Variants in RMDN2 observed in about 807,000 individuals in gnomAD.
RMDN2 encodes regulator of microtubule dynamics protein 2.
RMDN2 carries 61 observed loss-of-function variants against 52.8 expected under a neutral mutation model. The ratio of observed to expected loss-of-function variants is 1.16; its 90% CI spans 0.94 to 1.43. The LOEUF (loss-of-function observed/expected upper bound fraction) is 1.43. Among genes scored for constraint, RMDN2 ranks in the 40% most tolerant of loss-of-function variants. The pLI is 0.00. For missense variants in RMDN2, 592 were observed against 475.3 expected, an observed-to-expected ratio of 1.25 and a Z score of -2.28; for synonymous variants, 180 against 153.1, an observed-to-expected ratio of 1.18 and a Z score of -1.30.
intron 2 of RMDN2, among the ~76,000 whole-genome samples, chr2:37,966,390 C>A (rs1378793669): frequency 6.6e-6 from 1 of 151,476 alleles, no homozygotes; most frequent in East Asian, 1.9e-4. Flanking sequence ...GCATTCCAGC[C>A]TGGGCAACAG....
At chr2:38,061,285 T>C (rs993556590) in intron 10 of RMDN2, among the ~76,000 whole-genome samples, 1 of 151,988 alleles carries the variant, frequency 6.6e-6, no homozygotes, top group East Asian at 1.9e-4. Flanking sequence ...GGGAAGATGA[T>C]TGGAATGAGC....
chr2:38,005,077 T>C (rs1413631395), intron 10 of RMDN2, among the ~76,000 whole-genome samples: 2 of 152,184 alleles, frequency 1.3e-5, no homozygotes, highest in Non-Finnish European at 2.9e-5. Context: ...ATGTGCCACA[T>C]TTTCTTAATC....
chr2:38,034,789 T>C (rs1185251752), intron 10 of RMDN2, among the ~76,000 whole-genome samples: 2 of 149,184 alleles, frequency 1.3e-5, no homozygotes, highest in African/African-American at 5.0e-5. Flanking sequence ...AAATATAAAA[T>C]ATTTTAAAGG....
intron 10 of RMDN2, among the ~76,000 whole-genome samples, chr2:38,006,473 A>G (rs1405200757): frequency 2.6e-5 from 4 of 152,134 alleles, no homozygotes; most frequent in Admixed American, 6.5e-5. Context: ...GCAATTGTGA[A>G]TGGGAGTTCA....
At chr2:38,065,127 G>A (rs1316803625) in intron 10 of RMDN2, among the ~76,000 whole-genome samples, 1 of 152,180 alleles carries the variant, frequency 6.6e-6, no homozygotes, top group Non-Finnish European at 1.5e-5. Flanking sequence ...TAGAAAAAAT[G>A]TGGTGGATAA....
At chr2:38,035,697 G>A (rs886266328) in intron 10 of RMDN2, among the ~76,000 whole-genome samples, 2 of 152,134 alleles carry the variant, frequency 1.3e-5, no homozygotes, top group Non-Finnish European at 2.9e-5. Flanking sequence ...AGATAAGGAG[G>A]GTGGGAAACA....
At chr2:38,005,984 G>C (rs183384888) in intron 10 of RMDN2, among the ~76,000 whole-genome samples, 80 of 152,228 alleles carry the variant, frequency 5.3e-4, no homozygotes, top group African/African-American at 1.7e-3. Context: ...TCTTGTTTTT[G>C]TCAGGTTTGT....
intron 4 of RMDN2, among the ~76,000 whole-genome samples, chr2:37,980,002 C>G (rs1189984100): frequency 6.6e-6 from 1 of 152,082 alleles, no homozygotes; most frequent in Non-Finnish European, 1.5e-5. Flanking sequence ...GATTTCTACA[C>G]AGAATATTTA....
chr2:37,937,726 T>C (rs1667427445), intron 2 of RMDN2, among the ~76,000 whole-genome samples: 1 of 152,242 alleles, frequency 6.6e-6, no homozygotes, highest in South Asian at 2.1e-4. Flanking sequence ...TTGGAATTTT[T>C]GCACAATGAT....
intron 10 of RMDN2, among the ~76,000 whole-genome samples, chr2:38,028,500 T>C (rs1679943857): frequency 6.6e-6 from 1 of 152,234 alleles, no homozygotes; most frequent in Non-Finnish European, 1.5e-5. Flanking sequence ...TTTCTTATTA[T>C]GGATCATTTA....
At chr2:37,975,555 C>T (rs1672358815) in intron 4 of RMDN2, among the ~76,000 whole-genome samples, 1 of 151,928 alleles carries the variant, frequency 6.6e-6, no homozygotes, top group South Asian at 2.1e-4. Context: ...CAGGGCCTGT[C>T]TTGGGGTGGG....
At chr2:38,064,327 T>C (rs1376083324) in intron 10 of RMDN2, among the ~76,000 whole-genome samples, 1 of 151,922 alleles carries the variant, frequency 6.6e-6, no homozygotes, top group African/African-American at 2.4e-5. Context: ...TCGTGTCTAC[T>C]AAAAATACAA....
chr2:38,017,945 G>T (rs578175315), downstream of RMDN2, among the ~76,000 whole-genome samples: 8 of 150,134 alleles, frequency 5.3e-5, no homozygotes, highest in Non-Finnish European at 1.0e-4. Flanking sequence ...GGCAAGGGTG[G>T]GGGTAACAAG....
intron 2 of RMDN2, among the ~76,000 whole-genome samples, chr2:37,969,581 T>C (rs899977397): frequency 6.6e-6 from 1 of 151,930 alleles, no homozygotes; most frequent in South Asian, 2.1e-4. Context: ...TAATTACTTA[T>C]ATGTAAATTT....
intron 2 of RMDN2, among the ~76,000 whole-genome samples, chr2:37,964,769 T>C (rs1670810029): frequency 6.6e-6 from 1 of 152,218 alleles, no homozygotes; most frequent in Admixed American, 6.5e-5. Context: ...GTTTTATCCA[T>C]TATTAAAATT....
intron 10 of RMDN2, among the ~76,000 whole-genome samples, chr2:38,014,084 T>C (rs1379427542): frequency 1.3e-5 from 2 of 151,580 alleles, no homozygotes; most frequent in African/African-American, 4.8e-5. Context: ...TGGTGGCACA[T>C]GCCTATAATC....
intron 10 of RMDN2, among the ~76,000 whole-genome samples, chr2:38,041,615 C>G (rs1447189382): frequency 6.6e-6 from 1 of 151,656 alleles, no homozygotes; most frequent in Non-Finnish European, 1.5e-5. Context: ...GAGAAAATTC[C>G]TCCTTTTTAC....
At chr2:37,940,157 A>G (rs985273794) in intron 2 of RMDN2, among the ~76,000 whole-genome samples, 2 of 152,338 alleles carry the variant, frequency 1.3e-5, no homozygotes, top group East Asian at 3.9e-4. Flanking sequence ...GTTTGGCTCG[A>G]TATGAAGTTC....
chr2:37,951,760 A>G lies in RMDN2; in HGVS notation c.452+22031A>G, dbSNP rs148178880. On this transcript the variant is annotated intron_variant, in intron 2 of 10. Transcript: ENST00000354545. ...CATATAACCATCTCTGCTCCTGAAT[A>G]TAACACTAAAAATTTTAAGAATTTT... The G allele has an allele frequency of 2.1e-5, 34 of 1,613,084 alleles. No individual in the cohort carries two copies. In the African/African-American group the frequency reaches 4.1e-4, roughly 20 times the overall value.
Sources: allele counts gnomAD v4.1 joint callset (sites outside exome capture counted in the v4.1 genomes callset), GRCh38; gene constraint gnomAD v4.1.1; transcripts MANE v1.5; gene names NCBI Gene and HGNC (gene_info 2026-07-23, HGNC 2026-07-21).